The following DENND1A variants were observed in gnomAD, a reference collection of about 807,000 sequenced individuals.
DENND1A encodes DENN domain-containing protein 1A.
Under a neutral mutation model 113.7 loss-of-function variants are expected in DENND1A, and 51 were observed. That is an observed-to-expected ratio of 0.45 (90% CI 0.36 to 0.57). The LOEUF is 0.57. DENND1A is among the 20% of genes least tolerant of loss of function. The probability of loss-of-function intolerance (pLI) is 0.00; values close to 1 mark genes in which losing one functional copy is unlikely to be tolerated. For missense variants in DENND1A, 1,258 were observed against 1,395.9 expected (o/e 0.90, Z 1.57); for synonymous variants, 565 against 570.8 (o/e 0.99, Z 0.14).
chr9:123,636,433 C>T (rs2061705035), intron 9 of DENND1A, among the ~76,000 whole-genome samples: 1 of 152,096 alleles, frequency 6.6e-6, no homozygotes, highest in Non-Finnish European at 1.5e-5. Flanking sequence ...TCTCCTGCCT[C>T]AGCCTCCTGA....
At chr9:123,876,356 T>C (rs534395397) in intron 2 of DENND1A, among the ~76,000 whole-genome samples, 1 of 152,332 alleles carries the variant, frequency 6.6e-6, no homozygotes, top group South Asian at 2.1e-4. Flanking sequence ...ATATAACAAT[T>C]GATTAAATTT....
chr9:123,670,656 A>AAG (rs1370453639), intron 7 of DENND1A, among the ~76,000 whole-genome samples: 2 of 152,166 alleles, frequency 1.3e-5, no homozygotes, highest in Non-Finnish European at 2.9e-5. Context: ...GAACAACATT[A>AAG]AGCACTCTCC....
At chr9:123,387,031 C>G (rs1588267130) in intron 22 of DENND1A, among the ~76,000 whole-genome samples, 1 of 152,240 alleles carries the variant, frequency 6.6e-6, no homozygotes, top group Non-Finnish European at 1.5e-5. Flanking sequence ...CCCTTAAAGG[C>G]TCCCATTAAA....
At chr9:123,738,443 C>CTGTG (rs59851560) in intron 5 of DENND1A, among the ~76,000 whole-genome samples, 15,431 of 143,280 alleles carry the variant, frequency 0.11, 797 homozygotes, top group Admixed American at 0.13. Flanking sequence ...TCAACAGCTT[C>CTGTG]TGTGTGTGTG....
intron 13 of DENND1A, among the ~76,000 whole-genome samples, chr9:123,552,369 C>G (rs2057144155): frequency 6.6e-6 from 1 of 152,236 alleles, no homozygotes; most frequent in South Asian, 2.1e-4. Context: ...GATTACACAT[C>G]CACCTTATGG....
chr9:123,542,689 G>A (rs988919721), intron 13 of DENND1A, among the ~76,000 whole-genome samples: 3 of 151,898 alleles, frequency 2.0e-5, no homozygotes, highest in Admixed American at 6.6e-5. Context: ...ATCTCTTCAC[G>A]CTCTCTCTGC....
At chr9:123,674,832 T>C (rs980890478) in intron 6 of DENND1A, among the ~76,000 whole-genome samples, 1 of 133,846 alleles carries the variant, frequency 7.5e-6, no homozygotes, top group Non-Finnish European at 1.5e-5. Flanking sequence ...TTTTGCTGAG[T>C]TTTTTTCTCT....
intron 2 of DENND1A, among the ~76,000 whole-genome samples, chr9:123,869,748 C>T (rs1223839123): frequency 6.6e-6 from 1 of 152,144 alleles, no homozygotes; most frequent in Admixed American, 6.5e-5. Flanking sequence ...TGCCTATAAT[C>T]CCAACACTTT....
chr9:123,903,058 C>T (rs1299086462), intron 1 of DENND1A, among the ~76,000 whole-genome samples: 17 of 152,072 alleles, frequency 1.1e-4, no homozygotes, highest in Admixed American at 8.5e-4. Context: ...AAAGGCCGGG[C>T]GCGGTGGCTC....
chr9:123,915,516 T>C (rs1854925455), intron 1 of DENND1A, among the ~76,000 whole-genome samples: 1 of 152,052 alleles, frequency 6.6e-6, no homozygotes, highest in Admixed American at 6.6e-5. Flanking sequence ...GTGTTGAGGG[T>C]TAATGGAACA....
chr9:123,595,580 T>A (rs758140912), intron 11 of DENND1A, among the ~76,000 whole-genome samples: 44 of 152,130 alleles, frequency 2.9e-4, no homozygotes, highest in Non-Finnish European at 5.1e-4. Flanking sequence ...CTCCCCGACA[T>A]GGTCCTGGGC....
At position 123,539,882 on chromosome 9, in the gene DENND1A, C is replaced by CAAA. The variant is rs141372137; in HGVS notation, c.993+17685_993+17687dup. Among the ~76,000 whole-genome samples the CAAA allele has an allele frequency of 7.4e-3, 671 of 90,674 alleles. 3 individuals carry two copies. Among genetic ancestry groups the CAAA allele is most frequent in the Non-Finnish European group, 0.014 (540 of 38,820 alleles). 59.5% of individuals were successfully genotyped at this position (90,674 alleles called of 152,430 possible). A position where few individuals can be genotyped will look rare whatever the true frequency, so the allele number is the denominator to read the frequency against. On this transcript the variant is annotated intron_variant, in intron 13 of 23. Transcript: ENST00000394215. ...TGGGTGAAAAAGTGAGACTCCGTCT[C>CAAA]AAAAAAAAAAAAAAAAAAATTCATT...
At chr9:123,526,276 C>T (rs1389228073) in intron 13 of DENND1A, among the ~76,000 whole-genome samples, 1 of 152,142 alleles carries the variant, frequency 6.6e-6, no homozygotes, top group Non-Finnish European at 1.5e-5. Flanking sequence ...CTTCTGGCTT[C>T]CTTTCCCATT....
chr9:123,664,213 C>T (rs1053270941), intron 8 of DENND1A, among the ~76,000 whole-genome samples: 1 of 152,110 alleles, frequency 6.6e-6, no homozygotes, highest in African/African-American at 2.4e-5. Flanking sequence ...ACACCTTAAC[C>T]ACCTAAACCT....
chr9:123,424,803 G>T (rs1469533687), intron 19 of DENND1A, among the ~76,000 whole-genome samples: 2 of 152,254 alleles, frequency 1.3e-5, no homozygotes, highest in African/African-American at 4.8e-5. Context: ...GGGCTGTTGA[G>T]AACATTAAGT....
intron 16 of DENND1A, among the ~76,000 whole-genome samples, chr9:123,453,531 C>T (rs1434584267): frequency 6.6e-6 from 1 of 152,086 alleles, no homozygotes; most frequent in Non-Finnish European, 1.5e-5. Context: ...GGGGCCAGCT[C>T]GTGAAGGGCC....
chr9:123,414,086 G>C (rs2044525453), intron 19 of DENND1A: 2 of 993,818 alleles, frequency 2.0e-6, no homozygotes, highest in Admixed American at 1.1e-4. Context: ...GTGCACCAGA[G>C]CGCTCGGGAG....
At chr9:123,690,994 C>T (rs1229844692) in intron 5 of DENND1A, among the ~76,000 whole-genome samples, 1 of 152,192 alleles carries the variant, frequency 6.6e-6, no homozygotes. Flanking sequence ...TTTTCAGTGA[C>T]CTTTCCTTAA....
At chr9:123,445,935 G>T (rs923687949) in intron 18 of DENND1A, among the ~76,000 whole-genome samples, 1 of 152,202 alleles carries the variant, frequency 6.6e-6, no homozygotes, top group Non-Finnish European at 1.5e-5. Context: ...AAGTGTTGCT[G>T]TCTCAACACA....
Sources: allele counts gnomAD v4.1 joint callset (sites outside exome capture counted in the v4.1 genomes callset), GRCh38; gene constraint gnomAD v4.1.1; transcripts MANE v1.5; gene names NCBI Gene and HGNC (gene_info 2026-07-23, HGNC 2026-07-21).